ZNF423: variants seen among roughly 807,000 people sequenced by gnomAD.
ZNF423 encodes zinc finger protein 423, also known as Ebf-associated zinc finger protein.
In ZNF423, 12 loss-of-function variants were observed where a neutral mutation model predicts 95.8. The observed-to-expected ratio is 0.13, with a 90% confidence interval of 0.08 to 0.20. The LOEUF (loss-of-function observed/expected upper bound fraction) is 0.20. Among genes scored for constraint, ZNF423 ranks in the 10% least tolerant of loss-of-function variants. ZNF423 has a pLI of 1.00. For synonymous variants in ZNF423, 749 were observed against 711.9 expected, an observed-to-expected ratio of 1.05 and a Z score of -0.83; for missense variants, 1,316 against 1,737.1, an observed-to-expected ratio of 0.76 and a Z score of 4.31.
At chr16:49,781,943 G>T (rs2034219508) in intron 2 of ZNF423, among the ~76,000 whole-genome samples, 1 of 152,234 alleles carries the variant, frequency 6.6e-6, no homozygotes, top group African/African-American at 2.4e-5. Flanking sequence ...ACCTTCCCCT[G>T]CAAACTGGCC....
At chr16:49,547,635 C>T (rs1396463280) in intron 5 of ZNF423, among the ~76,000 whole-genome samples, 1 of 152,234 alleles carries the variant, frequency 6.6e-6, no homozygotes, top group African/African-American at 2.4e-5. Context: ...CCAACCCCCA[C>T]GCCCTCTTCT....
At position 49,554,295 on chromosome 16, in the gene ZNF423, C is replaced by A. The variant is rs369155977; in HGVS notation, c.3602-28801G>T. Among the ~76,000 whole-genome samples, 9 of 152,250 alleles carry A rather than the reference C, an allele frequency of 5.9e-5. No individual in the cohort carries two copies. The East Asian group carries it at 1.4e-3, about 23-fold the overall frequency. On this transcript the variant is annotated intron_variant, in intron 5 of 7. Coordinates refer to ENST00000563137, the MANE Select transcript of ZNF423 (RefSeq NM_001379286.1). ...ACGCCGGGCATAGCAGCCCAGGGAG[C>A]AAGTGCACTAAGAATGAGCATTCTA...
intron 3 of ZNF423, 137 bp from the exon 4 acceptor site, chr16:49,639,011 C>T (rs972922944): frequency 1.4e-6 from 2 of 1,437,544 alleles, no homozygotes; most frequent in Non-Finnish European, 1.8e-6. Flanking sequence ...TGGGGAGGGG[C>T]AGGGGCCGGA....
intron 7 of ZNF423, among the ~76,000 whole-genome samples, chr16:49,504,587 C>T (rs898962791): frequency 6.6e-6 from 1 of 152,058 alleles, no homozygotes; most frequent in Admixed American, 6.5e-5. Context: ...GTCACCACCA[C>T]CAACAACAAA....
intron 3 of ZNF423, among the ~76,000 whole-genome samples, chr16:49,661,861 C>T (rs757176435): frequency 1.4e-4 from 22 of 152,176 alleles, no homozygotes; most frequent in Non-Finnish European, 2.6e-4. Flanking sequence ...AACCAGGATA[C>T]GTTAATGGAC....
At chr16:49,732,005 C>T (rs1032850245) in intron 2 of ZNF423, among the ~76,000 whole-genome samples, 1 of 152,176 alleles carries the variant, frequency 6.6e-6, no homozygotes, top group African/African-American at 2.4e-5. Flanking sequence ...GTGTTCCGTG[C>T]TTCTTCAAAG....
At chr16:49,715,311 C>G (rs955083071) in intron 3 of ZNF423, among the ~76,000 whole-genome samples, 52 of 152,234 alleles carry the variant, frequency 3.4e-4, no homozygotes, top group African/African-American at 1.2e-3. Flanking sequence ...CAAGGAGGGC[C>G]GCGCTGAGGA....
chr16:49,819,898 A>T (rs979851348), intron 1 of ZNF423, among the ~76,000 whole-genome samples: 1 of 152,202 alleles, frequency 6.6e-6, no homozygotes, highest in African/African-American at 2.4e-5. Context: ...ATTATAAAAT[A>T]GGCTTTGTGT....
chr16:49,805,606 C>G (rs1301567416), intron 1 of ZNF423, among the ~76,000 whole-genome samples: 1 of 152,150 alleles, frequency 6.6e-6, no homozygotes, highest in African/African-American at 2.4e-5. Context: ...AGGCAAAGCT[C>G]GCCAGGCAGG....
At chr16:49,817,901 C>A (rs2144005377) in intron 1 of ZNF423, among the ~76,000 whole-genome samples, 1 of 152,250 alleles carries the variant, frequency 6.6e-6, no homozygotes, top group Middle Eastern at 3.4e-3. Flanking sequence ...GATCACACAG[C>A]TGCAGTACCA....
In ZNF423 at chr16:49,750,303, T is replaced by TA. The variant is rs373752508; in HGVS notation, c.101-19333dup. The stretch of plus-strand genomic sequence containing the variant: ...CTTCCTGGGTTTTGTCACTAACATT[T>TA]AAATATGGGGCTTCAAGTCATCACC... On this transcript the variant is annotated intron_variant, in intron 2 of 7. Coordinates refer to ENST00000563137, the MANE Select transcript of ZNF423 (RefSeq NM_001379286.1). 2.1e-3 allele frequency among the ~76,000 whole-genome samples: 314 copies of TA among 152,272 alleles called. 2 individuals carry two copies. The highest frequency in any genetic ancestry group is 7.0e-3 in the African/African-American group (292 of 41,550).
In ZNF423 at chr16:49,855,051, C is replaced by G. The variant is rs562072648; in HGVS notation, c.40+684G>C. The stretch of plus-strand genomic sequence containing the variant: ...CCGCCGGCGCCGTGCAGACAATGAA[C>G]TCCTGGCGGAGGCTCCCTGCCCGGT... On this transcript the variant is annotated intron_variant, in intron 1 of 7. Coordinates refer to ENST00000563137, the MANE Select transcript of ZNF423 (RefSeq NM_001379286.1). The surrounding 1 kb of genome is among the most constrained non-coding windows in gnomAD (Gnocchi z 4.7). 1.0e-6 allele frequency: 1 copy of G among 984,908 alleles called. No homozygotes were observed. Among genetic ancestry groups the G allele is most frequent in the South Asian group, 4.7e-5 (1 of 21,276 alleles). 61.0% of individuals were successfully genotyped at this position (984,908 alleles called of 1,614,324 possible).
chr16:49,815,877 AAAAAAT>A (rs1372997133), intron 1 of ZNF423, among the ~76,000 whole-genome samples: 28 of 64,072 alleles, frequency 4.4e-4, no homozygotes, highest in East Asian at 9.4e-4. Context: ...AAACAAAAAA[AAAAAAT>A]ATATATATAT....
At chr16:49,742,917 G>T (rs569705277) in intron 2 of ZNF423, among the ~76,000 whole-genome samples, 3 of 152,142 alleles carry the variant, frequency 2.0e-5, no homozygotes, top group Admixed American at 2.0e-4. Context: ...AAACAGAGGC[G>T]GTGTGAATGG....
At chr16:49,593,871 C>T (rs1971096528) in intron 5 of ZNF423, among the ~76,000 whole-genome samples, 1 of 152,212 alleles carries the variant, frequency 6.6e-6, no homozygotes, top group African/African-American at 2.4e-5. Flanking sequence ...AGACCAAGAA[C>T]TCTGCCAGGG....
intron 3 of ZNF423, among the ~76,000 whole-genome samples, chr16:49,673,731 C>T (rs1264969068): frequency 1.3e-5 from 2 of 152,364 alleles, no homozygotes; most frequent in East Asian, 3.9e-4. Context: ...CCATGGGGGG[C>T]TACAAACCGC....
intron 1 of ZNF423, among the ~76,000 whole-genome samples, chr16:49,808,928 C>A (rs555104206): frequency 6.6e-6 from 1 of 152,262 alleles, no homozygotes; most frequent in South Asian, 2.1e-4. Context: ...CCAGAAGACA[C>A]GGCCTCAGAA....
intron 5 of ZNF423, among the ~76,000 whole-genome samples, chr16:49,530,058 A>C (rs534809390): frequency 6.6e-6 from 1 of 152,318 alleles, no homozygotes; most frequent in South Asian, 2.1e-4. Context: ...TAGAGCCGGG[A>C]ACACTTGGGT....
At chr16:49,759,324 G>C (rs925467386) in intron 2 of ZNF423, among the ~76,000 whole-genome samples, 2 of 152,032 alleles carry the variant, frequency 1.3e-5, no homozygotes, top group African/African-American at 4.8e-5. Flanking sequence ...GCTTGAACCC[G>C]GGAGGCGGAG....
Sources: gnomAD v4.1 joint callset for allele counts (sites outside exome capture counted in the v4.1 genomes callset) on GRCh38, gnomAD v4.1.1 for gene constraint, Gnocchi (gnomAD v3.1) non-coding constraint, MANE v1.5 for transcripts, NCBI Gene and HGNC (gene_info 2026-07-23, HGNC 2026-07-21) for gene names.